DOCK11: variants seen among roughly 807,000 people sequenced by gnomAD.
DOCK11 encodes the protein dedicator of cytokinesis 11, also known as dedicator of cytokinesis protein 11.
DOCK11 carries 70 observed loss-of-function variants against 169.1 expected under a neutral mutation model. The ratio of observed to expected loss-of-function variants is 0.41; its 90% CI spans 0.34 to 0.51. The LOEUF (loss-of-function observed/expected upper bound fraction) is 0.51. Ranked by LOEUF, DOCK11 falls within the 20% of genes least tolerant of loss-of-function variation. The pLI is 0.10. For missense variants in DOCK11, 1,166 were observed against 1,538.8 expected (o/e 0.76, Z 4.05); for synonymous variants, 529 against 541.3 (o/e 0.98, Z 0.32).
chrX:118,672,676 G>A (rs761436917), intron 46 of DOCK11, among the ~76,000 whole-genome samples: 1 of 112,473 alleles, frequency 8.9e-6, no homozygotes, highest in Non-Finnish European at 1.9e-5. Context: ...ACCTTGTGAT[G>A]CGCCCGCCTT....
intron 46 of DOCK11, among the ~76,000 whole-genome samples, chrX:118,671,478 TC>T (rs35353315): frequency 0.14 from 15,779 of 110,839 alleles, 849 homozygotes; most frequent in Middle Eastern, 0.23. Flanking sequence ...AAACAACATT[TC>T]CCCCATAAAT....
intron 6 of DOCK11, among the ~76,000 whole-genome samples, chrX:118,547,126 A>G (rs765195958): frequency 1.3e-4 from 15 of 111,973 alleles, no homozygotes; most frequent in Non-Finnish European, 2.4e-4. Flanking sequence ...AACAAGCTAC[A>G]TGAGGATTCT....
At position 118,506,186 on chromosome X, in the gene DOCK11, T is replaced by C. The variant is rs898647150; in HGVS notation, c.102+10113T>C. 5.5e-5 allele frequency among the ~76,000 whole-genome samples: 6 copies of C among 109,054 alleles called. No homozygotes were observed. The Admixed American group carries it at 5.8e-4, about 11-fold the overall frequency. 94.7% of individuals were successfully genotyped at this position (109,054 alleles called of 115,157 possible). On this transcript the variant is annotated intron_variant, in intron 1 of 52. Coordinates refer to ENST00000276202, the MANE Select transcript of DOCK11 (RefSeq NM_144658.4). ...GGGAGGATTCCTTGAGCCCAGGAGT[T>C]CGAGGCTGCAGTGAGCCTTGATTGT... is the stretch of plus-strand genomic sequence containing the variant.
Position 118,648,016 on chromosome X carries a change from A to C in DOCK11, c.4399-929A>C, listed in dbSNP as rs1367626437. Reference sequence around the variant, plus strand: ...ATATAATATATTATTATAATATATAATATAAATTATAATATTATATAATAA... The same window carrying C: ...ATATAATATATTATTATAATATATACTATAAATTATAATATTATATAATAA... On this transcript the variant is annotated intron_variant, in intron 40 of 52. Coordinates refer to ENST00000276202, the MANE Select transcript of DOCK11 (RefSeq NM_144658.4). Among the ~76,000 whole-genome samples the C allele has an allele frequency of 1.1e-4, 5 of 45,509 alleles. No individual in the cohort carries two copies. The East Asian group carries it at 2.0e-3, about 19-fold the overall frequency. The allele number at this position is 45,509 out of a possible 115,157, so 39.5% of individuals were successfully genotyped here. A position where few individuals can be genotyped will look rare whatever the true frequency, so the allele number is the denominator to read the frequency against.
chrX:118,496,261 G>T (rs748845568), intron 1 of DOCK11, among the ~76,000 whole-genome samples, 188 bp downstream of exon 1: 1 of 111,381 alleles, frequency 9.0e-6, no homozygotes, highest in East Asian at 2.9e-4. Context: ...ACAGCTCTCC[G>T]GCCGCCCGGC....
rs776396525 is a variant in DOCK11, at chrX:118,681,717, T to C, written c.5886T>C (p.Tyr1962=). The C allele has an allele frequency of 3.3e-6, 4 of 1,203,933 alleles. No homozygotes were observed. The highest frequency in any genetic ancestry group is 4.4e-5 in the Admixed American group (2 of 45,041). Residue 1962 remains tyrosine, a synonymous_variant, in exon 51 of 53, where the codon TAT becomes TAC. Coordinates refer to ENST00000276202, the MANE Select transcript of DOCK11 (RefSeq NM_144658.4). The part of the protein sequence containing the change: ...SVQVNAGPLA[Y]ARAFLNDSQA... ...AGGTCAATGCTGGTCCATTAGCATA[T>C]GCAAGAGCTTTCTTAAATGACAGCC...
At chrX:118,639,289 TCATC>T in intron 37 of DOCK11, 142 bp from the exon 38 acceptor site, 1 of 527,361 alleles carries the variant, frequency 1.9e-6, no homozygotes, top group Non-Finnish European at 2.9e-6. Context: ...CATTAAAACT[TCATC>T]CAGTTTCTAG....
chrX:118,500,365 T>C (rs1271143525), intron 1 of DOCK11, among the ~76,000 whole-genome samples: 1 of 111,473 alleles, frequency 9.0e-6, no homozygotes, highest in Non-Finnish European at 1.9e-5. Context: ...CTTTATTACA[T>C]GCCAAATGCT....
intron 21 of DOCK11, 136 bp from the exon 22 acceptor site, chrX:118,597,894 G>A (rs2014217964): frequency 7.4e-6 from 3 of 402,935 alleles, no homozygotes; most frequent in Non-Finnish European, 1.2e-5. Context: ...TCTAAAGGCA[G>A]GGTATTTTCT....
rs2014053600 is a variant in DOCK11, at chrX:118,593,155, G to A, written c.2140-59G>A. The A allele has an allele frequency of 3.5e-6, 4 of 1,145,588 alleles. No homozygotes were observed. In the Admixed American group the frequency reaches 9.9e-5, roughly 28 times the overall value. The allele number at this position is 1,145,588 out of a possible 1,213,427, so 94.4% of individuals were successfully genotyped here. ...AGCAGTATGATGAAACTGAACTAAT[G>A]TCTGACAGTTTCAGCTTGAGAAAAC... On this transcript the variant is annotated intron_variant, in intron 19 of 52. Transcript: ENST00000276202.
chrX:118,496,040 C>T lies in DOCK11; in HGVS notation c.69C>T (p.Ser23=), dbSNP rs2057533969. ...KPGTAAELRQ[S]VSEAVRGSVV... ...GCACGGCGGCTGAGCTCCGGCAGAG[C>T]GTGTCTGAGGCCGTGCGGGGCTCCG... The change falls in exon 1 of 53, where the codon AGC becomes AGT. Residue 23 remains serine (S), a synonymous_variant. Coordinates refer to ENST00000276202, the MANE Select transcript of DOCK11 (RefSeq NM_144658.4). 4 of 1,088,798 alleles carry T rather than the reference C, an allele frequency of 3.7e-6. No individual in the cohort carries two copies. Among genetic ancestry groups the T allele is most frequent in the Non-Finnish European group, 4.8e-6 (4 of 840,382 alleles). 89.7% of individuals were successfully genotyped at this position (1,088,798 alleles called of 1,213,427 possible). A position where few individuals can be genotyped will look rare whatever the true frequency, so the allele number is the denominator to read the frequency against.
chrX:118,551,166 C>A (rs1377169763), intron 6 of DOCK11, among the ~76,000 whole-genome samples: 2 of 111,993 alleles, frequency 1.8e-5, no homozygotes. Flanking sequence ...AAACTCATGG[C>A]AAACTAACTA....
intron 39 of DOCK11, among the ~76,000 whole-genome samples, chrX:118,641,854 C>T (rs772452708): frequency 1.8e-5 from 2 of 111,399 alleles, no homozygotes; most frequent in Admixed American, 1.9e-4. Flanking sequence ...AAAGTAAAAA[C>T]GGTGTGACCA....
At chrX:118,607,473 G>A (rs1415456458) in intron 24 of DOCK11, among the ~76,000 whole-genome samples, 1 of 87,809 alleles carries the variant, frequency 1.1e-5, no homozygotes, top group Non-Finnish European at 2.2e-5. Context: ...CCAGGCTGGA[G>A]TGCAGTGGCG....
intron 45 of DOCK11, among the ~76,000 whole-genome samples, chrX:118,663,855 A>T (rs948519401): frequency 9.2e-6 from 1 of 108,414 alleles, no homozygotes; most frequent in Non-Finnish European, 1.9e-5. Context: ...TTGTATTTTT[A>T]GTAGAGACAG....
intron 16 of DOCK11, among the ~76,000 whole-genome samples, chrX:118,586,021 T>A (rs1327828072): frequency 8.9e-6 from 1 of 112,232 alleles, no homozygotes; most frequent in Non-Finnish European, 1.9e-5. Context: ...TTTGGCCAGG[T>A]GGTATCACCT....
At chrX:118,610,805 G>A (rs766416233) in intron 28 of DOCK11, among the ~76,000 whole-genome samples, 4 of 111,652 alleles carry the variant, frequency 3.6e-5, no homozygotes, top group Admixed American at 9.5e-5. Flanking sequence ...TTGGGAGGCC[G>A]AGGTGGGCGG....
chrX:118,583,471 A>C (rs1466746807), intron 14 of DOCK11, among the ~76,000 whole-genome samples: 1 of 110,877 alleles, frequency 9.0e-6, no homozygotes, highest in Non-Finnish European at 1.9e-5. Flanking sequence ...ATGAAGTAGG[A>C]ACAATGGAGT....
intron 1 of DOCK11, among the ~76,000 whole-genome samples, chrX:118,531,439 A>C (rs1262166380): frequency 2.1e-3 from 176 of 82,892 alleles, no homozygotes; most frequent in Admixed American, 3.4e-3. Context: ...AAAAAAAAAA[A>C]AAAAAAAAAA....
Sources: allele counts gnomAD v4.1 joint callset (sites outside exome capture counted in the v4.1 genomes callset), GRCh38; gene constraint gnomAD v4.1.1; transcripts MANE v1.5; gene names NCBI Gene and HGNC (gene_info 2026-07-23, HGNC 2026-07-21).